The following LSG1 variants were observed in gnomAD, a reference collection of about 807,000 sequenced individuals.
LSG1 encodes the protein large 60S subunit nuclear export GTPase 1, also known as large subunit GTPase 1 homolog.
Under a neutral mutation model 82.6 loss-of-function variants are expected in LSG1, and 55 were observed. The ratio of observed to expected loss-of-function variants is 0.67; its 90% CI spans 0.54 to 0.83. The LOEUF is 0.83. Among genes scored for constraint, LSG1 ranks in the 40% least tolerant of loss-of-function variants. LSG1 has a pLI of 0.00. For synonymous variants in LSG1, 272 were observed against 282.5 expected, an observed-to-expected ratio of 0.96 and a Z score of 0.37; for missense variants, 809 against 807.9, an observed-to-expected ratio of 1.00 and a Z score of -0.02.
Position 194,656,228 on chromosome 3 carries a change from G to A in LSG1, c.759+2729C>T, listed in dbSNP as rs553059754. Among the ~76,000 whole-genome samples, 4 of 150,592 alleles carry A rather than the reference G, an allele frequency of 2.7e-5. No homozygotes were observed. The South Asian group carries it at 6.4e-4, about 24-fold the overall frequency. ...AGTGAACAGGCAACCTACAGAATGG[G>A]AGAAAATTTTTGCAACCTACTCATC... is the stretch of plus-strand genomic sequence containing the variant. On this transcript the variant is annotated intron_variant, in intron 7 of 13. Transcript: ENST00000265245.
chr3:194,650,616 C>T (rs561639410), intron 10 of LSG1: 4 of 321,322 alleles, frequency 1.2e-5, no homozygotes, highest in Admixed American at 4.6e-5. Context: ...GTCATTCAAA[C>T]GGTTACATGG....
intron 11 of LSG1, chr3:194,646,515 TTTA>T (rs1560220377): frequency 3.8e-6 from 1 of 264,306 alleles, no homozygotes; most frequent in Non-Finnish European, 7.2e-6. Flanking sequence ...TTCTCTTTAT[TTTA>T]TTTTTATTTT....
At position 194,646,185 on chromosome 3, in the gene LSG1, G is replaced by T. The variant is rs149778497; in HGVS notation, c.1602C>A (p.Tyr534Ter). The T allele has an allele frequency of 6.2e-7, 1 of 1,614,128 alleles. No individual in the cohort carries two copies. The highest frequency in any genetic ancestry group is 1.7e-5 in the Admixed American group (1 of 60,016). The change falls in exon 12 of 14, where the codon TAC becomes TAA. Residue 534 changes from tyrosine (Y) to a stop codon, truncating the protein, a stop_gained. Coordinates refer to ENST00000265245, the MANE Select transcript of LSG1 (RefSeq NM_018385.3). LOFTEE classifies it high-confidence loss of function. ...TTACACTGACATAGTCCTTCAGGAT[G>T]TAGCGCGCAGATCGAGGCTGGTCTG... ...GQPDQPRSAR[Y>*]ILKDYVSGKL...
Position 194,648,804 on chromosome 3 carries a change from C to T in LSG1, c.1420G>A (p.Val474Ile), listed in dbSNP as rs373170652. Residue 474 changes from valine (V) to isoleucine (I), a missense_variant and splice_region_variant, in exon 11 of 14, where the codon GTT becomes ATT. Physicochemically the swap from Val to Ile is conservative, Grantham distance 29. Coordinates refer to ENST00000265245, the MANE Select transcript of LSG1 (RefSeq NM_018385.3). ...ACATGTCTTGGAATATTCTGGCAAA[C>T]GTAGCTTGTCAGGGAATCCATTCTC... ...MRDHVPPVSL[V>I]CQNIPRHVLE... 2.3e-5 allele frequency: 37 copies of T among 1,613,776 alleles called. No homozygotes were observed. The highest frequency in any genetic ancestry group is 1.2e-4 in the African/African-American group (9 of 74,928).
Position 194,650,961 on chromosome 3 carries a change from C to T in LSG1, c.1339G>A (p.Val447Met), listed in dbSNP as rs1718660998. Residue 447 changes from valine (V) to methionine (M), a missense_variant, in exon 10 of 14, where the codon GTG becomes ATG. By Grantham distance (21) the Val-to-Met change is conservative (BLOSUM62 1). Transcript: ENST00000265245. ...DCPGLVMPSFVSTKAEMTCSG... is the reference protein window; with the variant it reads ...DCPGLVMPSFMSTKAEMTCSG... ...CAAGTCATTTCTGCCTTGGTAGACA[C>T]AAAAGATGGCATCACCAAGCCAGGA... 1 of 1,614,156 alleles carries T rather than the reference C, an allele frequency of 6.2e-7. No homozygotes were observed.
At chr3:194,648,064 C>G (rs564465558) in intron 11 of LSG1, among the ~76,000 whole-genome samples, 1 of 151,290 alleles carries the variant, frequency 6.6e-6, no homozygotes, top group East Asian at 1.9e-4. Context: ...GGAAATGTTT[C>G]CCACACTGCT....
At chr3:194,656,590 C>G (rs1426505977) in intron 7 of LSG1, among the ~76,000 whole-genome samples, 1 of 152,058 alleles carries the variant, frequency 6.6e-6, no homozygotes, top group Non-Finnish European at 1.5e-5. Flanking sequence ...GTCAGTGTGG[C>G]AATTCCTCAG....
intron 6 of LSG1, 118 bp downstream of exon 6, chr3:194,659,955 G>A (rs1238066377): frequency 7.6e-6 from 6 of 789,990 alleles, no homozygotes; most frequent in African/African-American, 1.7e-5. Context: ...AGGAGGGAAG[G>A]CCTCACTAAA....
chr3:194,669,099 A>G (rs1161277699), intron 2 of LSG1, among the ~76,000 whole-genome samples: 2 of 152,206 alleles, frequency 1.3e-5, no homozygotes, highest in Non-Finnish European at 2.9e-5. Context: ...AGGATGAATA[A>G]GTTCTGGAGG....
intron 1 of LSG1, 72 bp downstream of exon 1, chr3:194,671,992 A>C (rs1719147850): frequency 1.4e-6 from 2 of 1,428,366 alleles, no homozygotes; most frequent in Non-Finnish European, 2.0e-6. Flanking sequence ...AACTTATCTG[A>C]CTTTTGACCC....
At chr3:194,656,777 A>C (rs1718797961) in intron 7 of LSG1, among the ~76,000 whole-genome samples, 1 of 152,188 alleles carries the variant, frequency 6.6e-6, no homozygotes, top group African/African-American at 2.4e-5. Flanking sequence ...GACTGGATTA[A>C]GAAAATGTGG....
intron 13 of LSG1, 46 bp from the exon 14 acceptor site, chr3:194,642,293 C>T (rs777726435): frequency 2.6e-6 from 4 of 1,558,600 alleles, no homozygotes; most frequent in Admixed American, 1.8e-5. Flanking sequence ...GCAGGCTATC[C>T]TTTAAGGGAT....
rs141217932 is a variant in LSG1, at chr3:194,651,152, G to C, written c.1238C>G (p.Ser413Cys). 5.8e-3 allele frequency: 9,384 copies of C among 1,614,196 alleles called. 81 individuals are homozygous for C. Among genetic ancestry groups the C allele is most frequent in the Non-Finnish European group, 5.4e-3 (6,341 of 1,180,034 alleles). Residue 413 changes from serine (S) to cysteine (C), a missense_variant, in exon 9 of 14, where the codon TCT becomes TGT. By Grantham distance (112) the Ser-to-Cys change is moderately radical. Transcript: ENST00000265245. ...TGTGTGACCAGGTGTGGCAGACACA[G>C]ATACTTTCTTGTTGCCCATGATGGT... ...INTIMGNKKV[S>C]VSATPGHTKH...
At position 194,647,132 on chromosome 3, in the gene LSG1, C is replaced by T. The variant is rs182707247; in HGVS notation, c.1544-889G>A. The stretch of plus-strand genomic sequence containing the variant: ...TTACACAATATACAACAATAAATTT[C>T]GTCAGATTAAAAATCTAAATGTTAA... On this transcript the variant is annotated intron_variant, in intron 11 of 13. Coordinates refer to ENST00000265245, the MANE Select transcript of LSG1 (RefSeq NM_018385.3). Among the ~76,000 whole-genome samples, 511 of 152,136 alleles carry T rather than the reference C, an allele frequency of 3.4e-3. 4 individuals are homozygous for T. The highest frequency in any genetic ancestry group is 0.012 in the African/African-American group (489 of 41,492).
intron 1 of LSG1, among the ~76,000 whole-genome samples, chr3:194,670,537 T>C (rs1211919069): frequency 1.3e-5 from 2 of 152,164 alleles, no homozygotes; most frequent in African/African-American, 2.4e-5. Flanking sequence ...ACATTTTACA[T>C]AGTGACCCAA....
In LSG1 at chr3:194,672,175, G is replaced by C. The variant is rs377189093; in HGVS notation, c.-13C>G. The C allele has an allele frequency of 1.3e-6, 2 of 1,574,262 alleles. No individual in the cohort carries two copies. The highest frequency in any genetic ancestry group is 1.3e-5 in the African/African-American group (1 of 74,338). ...TCCTCCGGCCCATGGCAACACGACC[G>C]CTGGACGAAGCTTCCCGGCTCGGCG... On this transcript the variant is annotated 5_prime_UTR_variant, in exon 1 of 14. Transcript: ENST00000265245.
At chr3:194,656,004 G>T (rs548991446) in intron 7 of LSG1, among the ~76,000 whole-genome samples, 68 of 152,252 alleles carry the variant, frequency 4.5e-4, no homozygotes, top group African/African-American at 1.6e-3. Flanking sequence ...ATTAATTCAC[G>T]ATGGATTAAA....
chr3:194,665,602 C>T lies in LSG1; in HGVS notation c.476G>A (p.Arg159Gln), dbSNP rs547942305. ...EQKLILTPFE[R>Q]NLDFWRQLWR... ...GAGCTGGCGCCAAAAGTCCAAATTTCGTTCAAATGGAGTCAATATCAGCTT... is the reference window on the plus strand; with the variant it reads ...GAGCTGGCGCCAAAAGTCCAAATTTTGTTCAAATGGAGTCAATATCAGCTT... The change falls in exon 5 of 14, where the codon CGA (arginine) becomes CAA (glutamine). Residue 159 changes from arginine to glutamine, a missense_variant. Coordinates refer to ENST00000265245, the MANE Select transcript of LSG1 (RefSeq NM_018385.3). The T allele has an allele frequency of 2.2e-5, 35 of 1,613,430 alleles. No homozygotes were observed. The East Asian group carries it at 2.7e-4, about 12-fold the overall frequency.
At chr3:194,670,287 C>T (rs902446377) in intron 1 of LSG1, 152 bp from the exon 2 acceptor site, 2 of 650,714 alleles carry the variant, frequency 3.1e-6, no homozygotes, top group Non-Finnish European at 5.1e-6. Context: ...TTTAAAGGAA[C>T]ACGTTCTTAC....
Sources: gnomAD v4.1 joint callset for allele counts (sites outside exome capture counted in the v4.1 genomes callset) on GRCh38, gnomAD v4.1.1 for gene constraint, MANE v1.5 for transcripts, NCBI Gene and HGNC (gene_info 2026-07-23, HGNC 2026-07-21) for gene names.